SHANK2: variants seen among roughly 807,000 people sequenced by gnomAD.
SHANK2 encodes SH3 and multiple ankyrin repeat domains 2, also known as SH3 and multiple ankyrin repeat domains protein 2.
A neutral mutation model predicts 133.7 loss-of-function variants in SHANK2; 43 were observed. That is an observed-to-expected ratio of 0.32 (90% CI 0.25 to 0.41). The LOEUF (loss-of-function observed/expected upper bound fraction) is 0.41, where lower values mean the gene tolerates loss of function less well. Ranked by LOEUF, SHANK2 falls within the 10% of genes least tolerant of loss-of-function variation. SHANK2 has a pLI of 1.00. For missense variants in SHANK2, 1,994 were observed against 2,235.8 expected, an observed-to-expected ratio of 0.89 and a Z score of 2.18; for synonymous variants, 1,017 against 952.8, an observed-to-expected ratio of 1.07 and a Z score of -1.24.
rs1390458891 is a variant in SHANK2, at chr11:70,830,332, T to C, written c.1175-9650A>G. 6.6e-6 allele frequency among the ~76,000 whole-genome samples: 1 copy of C among 152,188 alleles called. No homozygotes were observed. Among genetic ancestry groups the C allele is most frequent in the Non-Finnish European group, 1.5e-5 (1 of 68,024 alleles). On this transcript the variant is annotated intron_variant, in intron 11 of 25. Coordinates refer to ENST00000601538, the MANE Select transcript of SHANK2 (RefSeq NM_012309.5). The surrounding 1 kb of genome is among the most constrained non-coding windows in gnomAD (Gnocchi z 4.4). ...GAGGGAAGTTCTGTGTGGACAAATG[T>C]TCCGTGTGAGTGTTTGGGGTCCGGG...
intron 17 of SHANK2, among the ~76,000 whole-genome samples, chr11:70,640,536 A>G (rs1291731545): frequency 6.6e-6 from 1 of 152,246 alleles, no homozygotes; most frequent in East Asian, 1.9e-4. Context: ...GTTTCTGGTC[A>G]TTTGTGACAG....
At chr11:70,680,729 A>C (rs1257665097) in intron 15 of SHANK2, among the ~76,000 whole-genome samples, 1 of 152,144 alleles carries the variant, frequency 6.6e-6, no homozygotes, top group Non-Finnish European at 1.5e-5. Context: ...ATGCCACCCC[A>C]GCCTCTCTCT....
intron 10 of SHANK2, among the ~76,000 whole-genome samples, chr11:71,055,872 C>T (rs1245507609): frequency 3.3e-5 from 5 of 150,364 alleles, no homozygotes; most frequent in Non-Finnish European, 7.4e-5. Context: ...CTTAGCTAGA[C>T]AATGGGGATG....
intron 11 of SHANK2, among the ~76,000 whole-genome samples, chr11:70,828,624 G>T (rs934714932): frequency 1.3e-5 from 2 of 152,194 alleles, no homozygotes; most frequent in Non-Finnish European, 2.9e-5. Flanking sequence ...AGCCAGGGGG[G>T]CCAGAAGCTT....
chr11:70,484,093 C>T (rs1476053470), intron 25 of SHANK2, among the ~76,000 whole-genome samples: 1 of 152,214 alleles, frequency 6.6e-6, no homozygotes, highest in Non-Finnish European at 1.5e-5. Context: ...ACTGAAGATG[C>T]TGCCACCTGG....
At chr11:71,113,750 C>T (rs1555099850) in intron 4 of SHANK2, among the ~76,000 whole-genome samples, 1 of 152,180 alleles carries the variant, frequency 6.6e-6, no homozygotes, top group Non-Finnish European at 1.5e-5. Flanking sequence ...CTGCTTCAAA[C>T]ACCAGGTTTT....
At position 71,188,560 on chromosome 11, in the gene SHANK2, G is replaced by A. The variant is rs1006799508; in HGVS notation, c.-13+36137C>T. Among the ~76,000 whole-genome samples the A allele has an allele frequency of 2.0e-5, 3 of 152,212 alleles. No individual in the cohort carries two copies. Among genetic ancestry groups the A allele is most frequent in the Non-Finnish European group, 4.4e-5 (3 of 68,038 alleles). On this transcript the variant is annotated intron_variant, in intron 2 of 25. Transcript: ENST00000601538. This position sits in a 1 kb window ranked among gnomAD's most constrained non-coding sequence, Gnocchi z 4.6. ...GAGTAATTGAAAGGTGGAAATAAAC[G>A]AGGCCCCATGAATTACCCTGGCAAC...
At chr11:70,590,217 C>T (rs2060304016) in intron 17 of SHANK2, among the ~76,000 whole-genome samples, 1 of 152,134 alleles carries the variant, frequency 6.6e-6, no homozygotes, top group African/African-American at 2.4e-5. Context: ...GACTTAAACG[C>T]TGCAATCTCA....
chr11:70,947,056 T>C (rs1345102646), intron 10 of SHANK2, among the ~76,000 whole-genome samples: 3 of 150,822 alleles, frequency 2.0e-5, no homozygotes, highest in Non-Finnish European at 4.4e-5. Flanking sequence ...TAACCAACCC[T>C]TCTCAATTAA....
chr11:70,560,202 C>T (rs780482472), intron 17 of SHANK2, among the ~76,000 whole-genome samples: 1 of 152,252 alleles, frequency 6.6e-6, no homozygotes, highest in South Asian at 2.1e-4. Flanking sequence ...AGCAGAATGT[C>T]CTGGATCCTC....
At position 70,575,073 on chromosome 11, in the gene SHANK2, T is replaced by C. The variant is rs1197111155; in HGVS notation, c.2062-72142A>G. Among the ~76,000 whole-genome samples, 3 of 152,132 alleles carry C rather than the reference T, an allele frequency of 2.0e-5. No individual in the cohort carries two copies. In the East Asian group the frequency reaches 5.8e-4, roughly 29 times the overall value. ...TCAAAGCCTTCATTGCAGCTGATCC[T>C]CTGCGGTGCATTCAAGCTGGGCCCT... On this transcript the variant is annotated intron_variant, in intron 17 of 25. Transcript: ENST00000601538.
At chr11:70,613,016 G>C (rs564340526) in intron 17 of SHANK2, among the ~76,000 whole-genome samples, 1 of 152,222 alleles carries the variant, frequency 6.6e-6, no homozygotes, top group African/African-American at 2.4e-5. Flanking sequence ...CCAGCGTCTT[G>C]CTGTTATGAA....
chr11:70,565,133 G>C (rs530513075), intron 17 of SHANK2, among the ~76,000 whole-genome samples: 4 of 152,168 alleles, frequency 2.6e-5, no homozygotes, highest in African/African-American at 9.7e-5. Context: ...ATCATGAATT[G>C]TACTTGTTGG....
intron 3 of SHANK2, among the ~76,000 whole-genome samples, chr11:71,138,539 G>T (rs551062737): frequency 6.6e-6 from 1 of 152,056 alleles, no homozygotes; most frequent in African/African-American, 2.4e-5. Context: ...ATATCCGGCC[G>T]GGCGCGGTGG....
intron 14 of SHANK2, among the ~76,000 whole-genome samples, chr11:70,704,286 C>T (rs1225332697): frequency 6.6e-6 from 1 of 152,232 alleles, no homozygotes; most frequent in Non-Finnish European, 1.5e-5. Context: ...CTGTTGTTTA[C>T]AATGGAAAGA....
intron 6 of SHANK2, 89 bp from the exon 7 acceptor site, chr11:71,094,777 G>T (rs1951578205): frequency 1.5e-6 from 2 of 1,356,722 alleles, no homozygotes; most frequent in African/African-American, 1.4e-5. Context: ...TAAGCTGAAA[G>T]AACTGACTCC....
intron 11 of SHANK2, among the ~76,000 whole-genome samples, chr11:70,827,690 AACACACACACACACACACACAC>A (rs113156725): frequency 1.5e-5 from 2 of 130,458 alleles, no homozygotes; most frequent in Admixed American, 7.8e-5. Flanking sequence ...AGAAATTTAA[AACACACACACACACACACACAC>A]ACACACACAC....
chr11:71,077,588 A>G (rs1444313263), intron 8 of SHANK2, among the ~76,000 whole-genome samples: 2 of 151,980 alleles, frequency 1.3e-5, no homozygotes, highest in Non-Finnish European at 2.9e-5. Flanking sequence ...CCACAGTCTT[A>G]GCACTAGCAG....
At chr11:70,578,643 A>G (rs2060146870) in intron 17 of SHANK2, among the ~76,000 whole-genome samples, 1 of 152,168 alleles carries the variant, frequency 6.6e-6, no homozygotes, top group Non-Finnish European at 1.5e-5. Flanking sequence ...CAGAACCTTC[A>G]TCTCACACCA....
Sources: allele counts gnomAD v4.1 joint callset (sites outside exome capture counted in the v4.1 genomes callset), GRCh38; gene constraint gnomAD v4.1.1; non-coding constraint Gnocchi (gnomAD v3.1); transcripts MANE v1.5; gene names NCBI Gene and HGNC (gene_info 2026-07-23, HGNC 2026-07-21).